The following CENPP variants were observed in gnomAD, a reference collection of about 807,000 sequenced individuals.
CENPP encodes centromere protein P.
Under a neutral mutation model 35.6 loss-of-function variants are expected in CENPP, and 24 were observed. The observed-to-expected ratio is 0.67, with a 90% CI of 0.49 to 0.95. The LOEUF is 0.95. Ranked by LOEUF, CENPP falls within the 40% of genes least tolerant of loss-of-function variation. The pLI, the probability that CENPP is intolerant of heterozygous loss-of-function variation, is 0.00. For missense variants in CENPP, 332 were observed against 345.3 expected (o/e 0.96, Z 0.31); for synonymous variants, 120 against 125.5 (o/e 0.96, Z 0.29).
chr9:92,558,397 G>A (rs1378885598), intron 5 of CENPP, among the ~76,000 whole-genome samples: 1 of 152,168 alleles, frequency 6.6e-6, no homozygotes, highest in Admixed American at 6.5e-5. Context: ...AAACTACAGT[G>A]ATTATTGTCT....
chr9:92,424,385 G>T (rs1437690126), intron 5 of CENPP: 1 of 152,080 alleles, frequency 6.6e-6, no homozygotes, highest in Non-Finnish European at 1.5e-5. Context: ...AAACACTCGG[G>T]TTGAATTAAA....
chr9:92,520,502 A>G (rs1278761478), intron 5 of CENPP, among the ~76,000 whole-genome samples: 1 of 152,218 alleles, frequency 6.6e-6, no homozygotes, highest in Non-Finnish European at 1.5e-5. Flanking sequence ...GTCCTCTTCC[A>G]TTGCTGGTGG....
rs1427619987 is a variant in CENPP at position 92,523,843 on chromosome 9, A to G, written c.565-87471A>G. Among the ~76,000 whole-genome samples the G allele has an allele frequency of 3.9e-5, 6 of 152,348 alleles. No homozygotes were observed. The East Asian group carries it at 1.2e-3, about 29-fold the overall frequency. ...CAGGTTGCACTCAGAGCATGGGAAC[A>G]TAACGGCGATAAGAAGGCTTTCCTC... is the stretch of plus-strand genomic sequence containing the variant. On this transcript the variant is annotated intron_variant, in intron 5 of 7. Coordinates refer to ENST00000375587, the MANE Select transcript of CENPP (RefSeq NM_001012267.3).
At chr9:92,368,302 C>T (rs1187189788) in intron 4 of CENPP, among the ~76,000 whole-genome samples, 1 of 152,024 alleles carries the variant, frequency 6.6e-6, no homozygotes, top group Non-Finnish European at 1.5e-5. Flanking sequence ...GACACTGTCC[C>T]CAAGATATCT....
rs560517379 is a variant in CENPP, at chr9:92,508,286, C to T, written c.565-103028C>T. Among the ~76,000 whole-genome samples the T allele has an allele frequency of 1.5e-4, 23 of 152,312 alleles. No homozygotes were observed. In the South Asian group the frequency reaches 2.7e-3, roughly 18 times the overall value. The stretch of plus-strand genomic sequence containing the variant: ...CTGAGCCGGAGGACAGAAGCACTGC[C>T]GGCATGGGGCCGAGGCTCCTCGGGT... On this transcript the variant is annotated intron_variant, in intron 5 of 7. Transcript: ENST00000375587.
At chr9:92,545,618 G>A (rs892115835) in intron 5 of CENPP, among the ~76,000 whole-genome samples, 3 of 152,224 alleles carry the variant, frequency 2.0e-5, no homozygotes, top group African/African-American at 7.2e-5. Flanking sequence ...CCGCCCAAGG[G>A]CTGAGGAGTG....
intron 5 of CENPP, among the ~76,000 whole-genome samples, chr9:92,532,029 A>ATTTTTTTTTTTTTTTTTTTTTTTTTTTTT (rs201461115): frequency 3.3e-5 from 3 of 91,048 alleles, no homozygotes; most frequent in African/African-American, 1.0e-4. Context: ...TTTTTTTTTT[A>ATTTTTTTTTTTTTTTTTTTTTTTTTTTTT]TTTTATTTTT....
chr9:92,465,649 A>C (rs1588150795), intron 5 of CENPP, among the ~76,000 whole-genome samples: 1 of 152,218 alleles, frequency 6.6e-6, no homozygotes, highest in Admixed American at 6.5e-5. Context: ...CCTCACATCG[A>C]TAATCTTAAA....
chr9:92,567,496 G>T (rs562352745), intron 5 of CENPP, among the ~76,000 whole-genome samples: 17 of 150,254 alleles, frequency 1.1e-4, no homozygotes, highest in Non-Finnish European at 1.9e-4. Flanking sequence ...TATCCTTCTA[G>T]CCATTTGAAA....
intron 5 of CENPP, among the ~76,000 whole-genome samples, chr9:92,452,920 G>A (rs552859024): frequency 6.6e-6 from 1 of 152,192 alleles, no homozygotes; most frequent in East Asian, 1.9e-4. Flanking sequence ...ATGGTAGTTT[G>A]TATTTCTGTG....
At chr9:92,575,681 G>A (rs1022211505) in intron 5 of CENPP, among the ~76,000 whole-genome samples, 12 of 152,162 alleles carry the variant, frequency 7.9e-5, no homozygotes, top group Non-Finnish European at 1.3e-4. Context: ...GCATGATGGC[G>A]TACACCTGTA....
chr9:92,590,306 A>G (rs956317091), intron 5 of CENPP, among the ~76,000 whole-genome samples: 4 of 152,240 alleles, frequency 2.6e-5, no homozygotes, highest in Non-Finnish European at 5.9e-5. Flanking sequence ...ACTATAAAAC[A>G]CATCTGGTTA....
chr9:92,352,505 G>GTGTGTGTGTGTATATATATATA, intron 4 of CENPP, among the ~76,000 whole-genome samples: 4 of 49,786 alleles, frequency 8.0e-5, no homozygotes, highest in Non-Finnish European at 1.3e-4. Context: ...GTGTGTGTGT[G>GTGTGTGTGTGTATATATATATA]TATACATATA....
intron 5 of CENPP, chr9:92,393,060 T>C (rs376190261): frequency 5.8e-5 from 92 of 1,595,172 alleles, no homozygotes; most frequent in Non-Finnish European, 7.7e-5. Context: ...GAGTTAATAC[T>C]AATATCATAT....
chr9:92,471,691 C>A (rs950824290), intron 5 of CENPP, among the ~76,000 whole-genome samples: 1 of 138,874 alleles, frequency 7.2e-6, no homozygotes, highest in Non-Finnish European at 1.5e-5. Context: ...TAACTTGAGA[C>A]AGTCTTGCTC....
At chr9:92,455,130 C>G (rs1314915524) in intron 5 of CENPP, among the ~76,000 whole-genome samples, 1 of 152,172 alleles carries the variant, frequency 6.6e-6, no homozygotes, top group Non-Finnish European at 1.5e-5. Flanking sequence ...GATGCAGTGG[C>G]TCATGCCTGT....
chr9:92,334,121 G>GTTTTTTT (rs11423555), intron 2 of CENPP, among the ~76,000 whole-genome samples: 1 of 133,980 alleles, frequency 7.5e-6, no homozygotes, highest in African/African-American at 2.8e-5. Context: ...TGAGAGTAGG[G>GTTTTTTT]TTTTTTTTTT....
At chr9:92,428,054 G>A (rs986502450) in intron 5 of CENPP, among the ~76,000 whole-genome samples, 1 of 152,160 alleles carries the variant, frequency 6.6e-6, no homozygotes, top group East Asian at 1.9e-4. Context: ...CTTAGCTGAT[G>A]AACTACTTCT....
intron 5 of CENPP, among the ~76,000 whole-genome samples, chr9:92,402,938 A>G (rs1397646841): frequency 1.3e-5 from 2 of 152,210 alleles, no homozygotes; most frequent in Non-Finnish European, 1.5e-5. Flanking sequence ...ATTGTGTAAC[A>G]TTACTTAATA....
Sources: allele counts gnomAD v4.1 joint callset (sites outside exome capture counted in the v4.1 genomes callset), GRCh38; gene constraint gnomAD v4.1.1; transcripts MANE v1.5; gene names NCBI Gene and HGNC (gene_info 2026-07-23, HGNC 2026-07-21).